Variants in GNL3L observed in about 807,000 individuals in gnomAD.
The protein encoded by GNL3L is guanine nucleotide-binding protein-like 3-like protein.
Under a neutral mutation model 42.9 loss-of-function variants are expected in GNL3L, and 4 were observed. The observed-to-expected ratio is 0.09, with a 90% CI of 0.05 to 0.21. The LOEUF (loss-of-function observed/expected upper bound fraction) is 0.21, where lower values mean the gene tolerates loss of function less well. GNL3L is among the 10% of genes least tolerant of loss of function. The pLI is 1.00. For missense variants in GNL3L, 412 were observed against 481.7 expected (o/e 0.86, Z 1.36); for synonymous variants, 159 against 176.3 (o/e 0.90, Z 0.78).
intron 16 of GNL3L, among the ~76,000 whole-genome samples, chrX:54,584,996 C>A (rs889521671): frequency 1.8e-5 from 2 of 111,853 alleles, no homozygotes; most frequent in Non-Finnish European, 3.8e-5. Context: ...GTTGGTCAGG[C>A]TGGTCTCGAG....
chrX:54,559,609 C>A lies in GNL3L; in HGVS notation c.1667-911C>A, dbSNP rs753746900. 4.5e-5 allele frequency among the ~76,000 whole-genome samples: 5 copies of A among 112,048 alleles called. No individual in the cohort carries two copies. In the South Asian group the frequency reaches 1.8e-3, roughly 41 times the overall value. ...TCTTCCCCTCGTTTTAATGGTGGTACATTGTGTAGCTGGCCCATTTGGGTT... is the reference window on the plus strand; with the variant it reads ...TCTTCCCCTCGTTTTAATGGTGGTAAATTGTGTAGCTGGCCCATTTGGGTT... On this transcript the variant is annotated intron_variant, in intron 15 of 15. Coordinates refer to ENST00000360845, the MANE Select transcript of GNL3L (RefSeq NM_001184819.2).
chrX:54,607,000 CTTTCTTTCTTTCTTTCTTT>C (rs1210785789), intron 16 of GNL3L, among the ~76,000 whole-genome samples: 14 of 23,756 alleles, frequency 5.9e-4, no homozygotes, highest in Non-Finnish European at 7.8e-4. Context: ...CCTTTCCTTT[CTTTCTTTCTTTCTTTCTTT>C]CTTTCTTTCT....
chrX:54,594,553 T>A (rs55969900), intron 16 of GNL3L, among the ~76,000 whole-genome samples: 11,155 of 105,305 alleles, frequency 0.11, 823 homozygotes, highest in African/African-American at 0.27. Context: ...TTTTTTTTTT[T>A]TAAAAAAAAA....
At chrX:54,536,242 A>G (rs1924419728) in intron 2 of GNL3L, among the ~76,000 whole-genome samples, 1 of 106,793 alleles carries the variant, frequency 9.4e-6, no homozygotes. Flanking sequence ...TCAAACTCCT[A>G]ATTTTTGTAT....
chrX:54,621,936 T>C (rs1422659990), downstream of GNL3L, among the ~76,000 whole-genome samples: 1 of 112,075 alleles, frequency 8.9e-6, no homozygotes, highest in Non-Finnish European at 1.9e-5. Context: ...ATTATTGTAT[T>C]CTTATCTGGT....
intron 2 of GNL3L, among the ~76,000 whole-genome samples, chrX:54,535,146 T>C (rs1601975220): frequency 1.8e-5 from 2 of 112,090 alleles, no homozygotes; most frequent in African/African-American, 6.5e-5. Context: ...TGAGATGCAG[T>C]CTCGCCCTGT....
chrX:54,565,850 CAG>C lies in GNL3L; in HGVS notation c.*5251_*5252del, dbSNP rs1213018913. On this transcript the variant is annotated 3_prime_UTR_variant, in exon 16 of 16. Coordinates refer to ENST00000360845, the MANE Select transcript of GNL3L (RefSeq NM_001184819.2). ...TTTTTTTTTTTTTTTTTTTTTGAAA[CAG>C]AGTCCTCACCCAGGTTGGAGTGTAG... 8.2e-5 allele frequency among the ~76,000 whole-genome samples: 5 copies of C among 60,699 alleles called. No individual in the cohort carries two copies. The highest frequency in any genetic ancestry group is 1.4e-4 in the African/African-American group (2 of 14,812). 52.7% of individuals were successfully genotyped at this position (60,699 alleles called of 115,157 possible).
chrX:54,607,052 C>CTT (rs1208605385), intron 16 of GNL3L, among the ~76,000 whole-genome samples: 4 of 55,381 alleles, frequency 7.2e-5, no homozygotes, highest in African/African-American at 4.2e-4. Flanking sequence ...TTCTTTCTTT[C>CTT]TTTCTTTCTT....
intron 16 of GNL3L, among the ~76,000 whole-genome samples, chrX:54,593,577 A>G (rs140744250): frequency 0.015 from 1,575 of 107,371 alleles, 25 homozygotes; most frequent in Non-Finnish European, 0.023. Flanking sequence ...TTGAACTTTT[A>G]TATTGTTTTC....
At chrX:54,582,546 G>A (rs959713753) in intron 16 of GNL3L, among the ~76,000 whole-genome samples, 1 of 111,869 alleles carries the variant, frequency 8.9e-6, no homozygotes, top group African/African-American at 3.2e-5. Flanking sequence ...CATTCTGTTC[G>A]ATGTGTAGTG....
chrX:54,582,790 C>T (rs1925734369), intron 16 of GNL3L, among the ~76,000 whole-genome samples: 1 of 111,822 alleles, frequency 8.9e-6, no homozygotes, highest in Non-Finnish European at 1.9e-5. Context: ...ACCATGTTGG[C>T]CAGGCTGGTC....
chrX:54,538,780 C>T (rs185942142), intron 2 of GNL3L, among the ~76,000 whole-genome samples: 3 of 111,802 alleles, frequency 2.7e-5, no homozygotes, highest in Non-Finnish European at 5.6e-5. Flanking sequence ...GTCACAAGCA[C>T]ATATTCAGGT....
intron 16 of GNL3L, among the ~76,000 whole-genome samples, chrX:54,581,274 G>A (rs1222846981): frequency 1.8e-5 from 2 of 111,341 alleles, no homozygotes; most frequent in Non-Finnish European, 1.9e-5. Flanking sequence ...CTCTGTAACC[G>A]AGGCTGAAGT....
At chrX:54,551,449 C>T in intron 10 of GNL3L, 119 bp from the exon 11 acceptor site, 3 of 552,846 alleles carry the variant, frequency 5.4e-6, no homozygotes, top group Admixed American at 6.3e-5. Context: ...CATCTCTCCA[C>T]CTTCGTCTCT....
downstream of GNL3L, among the ~76,000 whole-genome samples, chrX:54,569,767 T>A: frequency 8.9e-6 from 1 of 112,345 alleles, no homozygotes; most frequent in Non-Finnish European, 1.9e-5. Context: ...GTTTCTGCTT[T>A]ATCTTTATTG....
intron 16 of GNL3L, among the ~76,000 whole-genome samples, chrX:54,573,683 C>A (rs1925592711): frequency 9.0e-6 from 1 of 111,459 alleles, no homozygotes; most frequent in African/African-American, 3.3e-5. Context: ...GTTTTCATCT[C>A]TAGAAATTAA....
Position 54,539,027 on chromosome X carries a change from T to G in GNL3L, c.20-13T>G. The G allele has an allele frequency of 5.5e-6, 6 of 1,087,308 alleles. No individual in the cohort carries two copies. The highest frequency in any genetic ancestry group is 7.5e-6 in the Non-Finnish European group (6 of 798,488). 89.6% of individuals were successfully genotyped at this position (1,087,308 alleles called of 1,213,427 possible). ...GGATGACGGCTCTTTTCTTTCTTTT[T>G]TTTCTTTTGTAGAAAATAAAAAGCC... On this transcript the variant is annotated splice_polypyrimidine_tract_variant and intron_variant, in intron 2 of 15. Transcript: ENST00000360845.
intron 16 of GNL3L, among the ~76,000 whole-genome samples, chrX:54,617,436 A>G (rs1205223544): frequency 3.6e-5 from 4 of 111,310 alleles, no homozygotes; most frequent in Non-Finnish European, 7.5e-5. Flanking sequence ...TCAACCAACT[A>G]TCTCTTACTT....
chrX:54,631,014 C>T, the GNL3L span, among the ~76,000 whole-genome samples: 1 of 108,927 alleles, frequency 9.2e-6, no homozygotes, highest in Non-Finnish European at 1.9e-5. Flanking sequence ...ACCATGTTAG[C>T]CAGGCTGGTC....
Sources: gnomAD v4.1 joint callset for allele counts (sites outside exome capture counted in the v4.1 genomes callset) on GRCh38, gnomAD v4.1.1 for gene constraint, MANE v1.5 for transcripts, NCBI Gene and HGNC (gene_info 2026-07-23, HGNC 2026-07-21) for gene names.